CPPED1: variants seen among roughly 807,000 people sequenced by gnomAD.
The protein encoded by CPPED1 is serine/threonine-protein phosphatase CPPED1.
A neutral mutation model predicts 28.0 loss-of-function variants in CPPED1; 28 were observed. That is an observed-to-expected ratio of 1.00 (90% CI 0.74 to 1.37). The LOEUF is 1.37. CPPED1 is among the 40% of genes most tolerant of loss of function. CPPED1 has a pLI of 0.00. For missense variants in CPPED1, 504 were observed against 416.5 expected (o/e 1.21, Z -1.83); for synonymous variants, 198 against 180.2 (o/e 1.10, Z -0.79).
At chr16:12,802,337 C>G (rs1185367166) in intron 1 of CPPED1, among the ~76,000 whole-genome samples, 1 of 152,178 alleles carries the variant, frequency 6.6e-6, no homozygotes, top group Non-Finnish European at 1.5e-5. Flanking sequence ...CGCGGTGGCT[C>G]AGGTCTGTAA....
chr16:12,781,329 A>T lies in CPPED1; in HGVS notation c.145T>A (p.Trp49Arg). Residue 49 changes from tryptophan (W) to arginine (R), a missense_variant, in exon 2 of 4, where the codon TGG (tryptophan) becomes AGG (arginine). By Grantham distance (101) the Trp-to-Arg change is moderately radical (BLOSUM62 -3). Coordinates refer to ENST00000381774, the MANE Select transcript of CPPED1 (RefSeq NM_018340.3). ...CCATTGTCACAGTCCCCAGTGGACC[A>T]GGCCTTGATCAGCCCAAACTGTGGG... Reference protein sequence around the residue: ...ADPQFGLIKAWSTGDCDNGGD... With the variant: ...ADPQFGLIKARSTGDCDNGGD... The T allele has an allele frequency of 1.2e-6, 2 of 1,614,204 alleles. No homozygotes were observed. The highest frequency in any genetic ancestry group is 8.5e-7 in the Non-Finnish European group (1 of 1,180,036).
chr16:12,793,320 G>A (rs768663233), intron 1 of CPPED1, among the ~76,000 whole-genome samples: 10 of 152,112 alleles, frequency 6.6e-5, no homozygotes, highest in Non-Finnish European at 1.3e-4. Context: ...GCTCCAGGGA[G>A]GGGGCACTGC....
intron 2 of CPPED1, chr16:12,780,981 T>A (rs970748968): frequency 3.4e-6 from 2 of 583,858 alleles, no homozygotes; most frequent in East Asian, 2.9e-5. Context: ...TGTGCCTAAT[T>A]ACTGTGATTA....
At chr16:12,707,330 C>A (rs1053808267) in intron 2 of CPPED1, among the ~76,000 whole-genome samples, 6 of 152,190 alleles carry the variant, frequency 3.9e-5, no homozygotes, top group Admixed American at 3.3e-4. Context: ...TTCCTACAGG[C>A]CAGGCACTGT....
chr16:12,790,962 T>G (rs35304659), intron 1 of CPPED1, among the ~76,000 whole-genome samples: 3,620 of 149,292 alleles, frequency 0.024, 103 homozygotes, highest in East Asian at 0.14. Context: ...AGTATTAGTA[T>G]GTCTGTTTTT....
chr16:12,694,249 A>C (rs943550435), intron 3 of CPPED1, among the ~76,000 whole-genome samples: 1 of 152,184 alleles, frequency 6.6e-6, no homozygotes, highest in African/African-American at 2.4e-5. Flanking sequence ...TTAGTTGAAG[A>C]GCAATCTACA....
At chr16:12,672,808 G>A (rs2141167624) in intron 3 of CPPED1, among the ~76,000 whole-genome samples, 1 of 152,302 alleles carries the variant, frequency 6.6e-6, no homozygotes, top group South Asian at 2.1e-4. Flanking sequence ...GAGGTCAGGA[G>A]TTCGAGAACA....
intron 2 of CPPED1, among the ~76,000 whole-genome samples, chr16:12,719,715 A>T (rs1456661108): frequency 6.6e-6 from 1 of 152,122 alleles, no homozygotes; most frequent in East Asian, 1.9e-4. Flanking sequence ...CATGTGGATC[A>T]CCTGAGATCA....
intron 1 of CPPED1, among the ~76,000 whole-genome samples, chr16:12,796,580 T>C (rs781287371): frequency 6.6e-6 from 1 of 152,010 alleles, no homozygotes; most frequent in Non-Finnish European, 1.5e-5. Flanking sequence ...CAATAAGAAA[T>C]GTTGGCAAGG....
intron 2 of CPPED1, among the ~76,000 whole-genome samples, chr16:12,717,325 G>A (rs949758436): frequency 6.6e-6 from 1 of 152,154 alleles, no homozygotes; most frequent in African/African-American, 2.4e-5. Flanking sequence ...GTGCAGCGGC[G>A]CCATCTCGGC....
At chr16:12,718,468 G>A (rs1016173888) in intron 2 of CPPED1, among the ~76,000 whole-genome samples, 2 of 151,222 alleles carry the variant, frequency 1.3e-5, no homozygotes, top group Admixed American at 1.3e-4. Flanking sequence ...GAACCTGGGA[G>A]GCCGAGGTTG....
chr16:12,665,206 A>G, intron 3 of CPPED1, 91 bp from the exon 4 acceptor site: 1 of 1,022,644 alleles, frequency 9.8e-7, no homozygotes, highest in Non-Finnish European at 1.4e-6. Context: ...ACAGTAATAT[A>G]TTAAATATAT....
At chr16:12,757,224 T>C (rs748468379) in intron 2 of CPPED1, among the ~76,000 whole-genome samples, 44 of 152,120 alleles carry the variant, frequency 2.9e-4, no homozygotes, top group Non-Finnish European at 5.0e-4. Context: ...CTGAGGGGTT[T>C]CCCAGGATGT....
intron 2 of CPPED1, among the ~76,000 whole-genome samples, chr16:12,729,555 C>T (rs548214640): frequency 3.3e-5 from 5 of 152,128 alleles, no homozygotes; most frequent in African/African-American, 9.7e-5. Context: ...CTGCAGAAAA[C>T]GACGTCTGGA....
At chr16:12,786,860 C>A (rs550124083) in intron 1 of CPPED1, among the ~76,000 whole-genome samples, 15 of 152,122 alleles carry the variant, frequency 9.9e-5, no homozygotes, top group African/African-American at 3.4e-4. Flanking sequence ...TGCAGTGAGC[C>A]GAGATCGTGC....
chr16:12,731,614 C>T (rs1285067176), intron 2 of CPPED1, among the ~76,000 whole-genome samples: 1 of 151,824 alleles, frequency 6.6e-6, no homozygotes, highest in African/African-American at 2.4e-5. Context: ...CCAAAAGCCA[C>T]CGATAATACG....
At chr16:12,757,697 C>A (rs762904779) in intron 2 of CPPED1, 3 of 139,976 alleles carry the variant, frequency 2.1e-5, no homozygotes, top group African/African-American at 5.3e-5. Flanking sequence ...GGACTTCATG[C>A]CTTTCAGACA....
chr16:12,710,328 G>C (rs1461883498), intron 2 of CPPED1, among the ~76,000 whole-genome samples: 1 of 152,064 alleles, frequency 6.6e-6, no homozygotes, highest in East Asian at 1.9e-4. Context: ...TTAATTCCCA[G>C]ACATCTGAGC....
chr16:12,753,070 T>C (rs1258502336), intron 2 of CPPED1: 2 of 152,104 alleles, frequency 1.3e-5, no homozygotes, highest in Non-Finnish European at 2.9e-5. Flanking sequence ...AAATTCGGTA[T>C]AGTGTGAATT....
Sources: gnomAD v4.1 joint callset for allele counts (sites outside exome capture counted in the v4.1 genomes callset) on GRCh38, gnomAD v4.1.1 for gene constraint, MANE v1.5 for transcripts, NCBI Gene and HGNC (gene_info 2026-07-23, HGNC 2026-07-21) for gene names.